Variants in EBPL observed in about 807,000 individuals in gnomAD.
EBPL encodes EBP like.
In EBPL, 20 loss-of-function variants were observed where a neutral mutation model predicts 19.0. The ratio of observed to expected loss-of-function variants is 1.05; its 90% confidence interval spans 0.74 to 1.53. The LOEUF (loss-of-function observed/expected upper bound fraction) is 1.53. Ranked by LOEUF, EBPL falls within the 40% of genes most tolerant of loss-of-function variation. EBPL has a pLI of 0.00. For missense variants in EBPL, 219 were observed against 261.1 expected (o/e 0.84, Z 1.11); for synonymous variants, 107 against 117.0 (o/e 0.91, Z 0.55).
chr13:49,673,324 T>C (rs1281891994), intron 1 of EBPL, among the ~76,000 whole-genome samples: 1 of 152,212 alleles, frequency 6.6e-6, no homozygotes, highest in Non-Finnish European at 1.5e-5. Context: ...TTATCATCTT[T>C]ATACAAAAAC....
At chr13:49,675,752 T>C (rs184226170) in intron 1 of EBPL, among the ~76,000 whole-genome samples, 2 of 152,332 alleles carry the variant, frequency 1.3e-5, no homozygotes, top group Admixed American at 1.3e-4. Flanking sequence ...ATGTTCAGCT[T>C]TCTGAGGAGT....
Position 49,691,395 on chromosome 13 carries a change from C to T in EBPL, c.30G>A (p.Glu10=), listed in dbSNP as rs1424629433. ...CGCACAGCAGCAGCGAACCGCCAGC[C>T]TCGGCCCCCAGCTCCCACTCAGCGC... MGAEWELGA[E]AGGSLLLCAA... The change falls in exon 1 of 4, where the codon GAG becomes GAA. Residue 10 remains glutamate (E), a synonymous_variant. Coordinates refer to ENST00000242827, the MANE Select transcript of EBPL (RefSeq NM_032565.5). 2.9e-6 allele frequency: 4 copies of T among 1,365,844 alleles called. No homozygotes were observed. The highest frequency in any genetic ancestry group is 2.8e-5 in the East Asian group (1 of 35,790). 84.6% of individuals were successfully genotyped at this position (1,365,844 alleles called of 1,614,324 possible).
At chr13:49,674,408 A>G (rs889123756) in intron 1 of EBPL, among the ~76,000 whole-genome samples, 1 of 152,156 alleles carries the variant, frequency 6.6e-6, no homozygotes, top group Non-Finnish European at 1.5e-5. Flanking sequence ...CTGGCTGAAA[A>G]TAATTTTTTA....
At chr13:49,685,870 A>G (rs1387956349) in intron 1 of EBPL, among the ~76,000 whole-genome samples, 1 of 152,070 alleles carries the variant, frequency 6.6e-6, no homozygotes, top group East Asian at 1.9e-4. Flanking sequence ...GAGAGAAAAA[A>G]AAAAAAAGGG....
At position 49,691,444 on chromosome 13, in the gene EBPL, A is replaced by G. The variant is rs1954065408; in HGVS notation, c.-20T>C. 5 of 1,331,750 alleles carry G rather than the reference A, an allele frequency of 3.8e-6. No individual in the cohort carries two copies. Among genetic ancestry groups the G allele is most frequent in the Admixed American group, 6.2e-5 (2 of 32,026 alleles). The allele number at this position is 1,331,750 out of a possible 1,614,324, so 82.5% of individuals were successfully genotyped here. On this transcript the variant is annotated 5_prime_UTR_variant, in exon 1 of 4. Coordinates refer to ENST00000242827, the MANE Select transcript of EBPL (RefSeq NM_032565.5). ...GCCCATGCTTCAGGCTTCCGACGCC[A>G]ACGGCCCAGGACCATGCGGCAGAGG...
Position 49,672,547 on chromosome 13 carries a change from G to A in EBPL, c.172-2701C>T, listed in dbSNP as rs574221356. On this transcript the variant is annotated intron_variant, in intron 1 of 3. Coordinates refer to ENST00000242827, the MANE Select transcript of EBPL (RefSeq NM_032565.5). ...ATGCTAATAAGCGTTTCCTAAAAGA[G>A]TAAGAAATAAAAGGGATAATAGAAA... Among the ~76,000 whole-genome samples the A allele has an allele frequency of 5.3e-5, 8 of 152,050 alleles. 1 individual carries two copies. The highest frequency in any genetic ancestry group is 1.2e-4 in the Non-Finnish European group (8 of 68,018).
intron 2 of EBPL, among the ~76,000 whole-genome samples, chr13:49,668,881 A>AT (rs371547557): frequency 0.26 from 37,613 of 142,150 alleles, 5,273 homozygotes; most frequent in Non-Finnish European, 0.33. Flanking sequence ...CACTACCAAC[A>AT]TTTTTTTTTT....
At chr13:49,674,902 C>T (rs947246111) in intron 1 of EBPL, among the ~76,000 whole-genome samples, 1 of 152,178 alleles carries the variant, frequency 6.6e-6, no homozygotes, top group Non-Finnish European at 1.5e-5. Flanking sequence ...GTGCAACCAT[C>T]GCCACCATCC....
intron 2 of EBPL, among the ~76,000 whole-genome samples, chr13:49,665,882 C>A (rs2137485192): frequency 6.6e-6 from 1 of 152,242 alleles, no homozygotes; most frequent in East Asian, 1.9e-4. Context: ...GGCACTGAAG[C>A]CAGACTACGA....
At chr13:49,691,153 C>T (rs546778159) in intron 1 of EBPL, 101 bp downstream of exon 1, 2 of 1,077,874 alleles carry the variant, frequency 1.9e-6, no homozygotes, top group Non-Finnish European at 2.3e-6. Context: ...GAGGGGCGGC[C>T]AGCTCGCTGC....
chr13:49,665,345 C>T (rs979464572), intron 2 of EBPL, among the ~76,000 whole-genome samples: 8 of 152,200 alleles, frequency 5.3e-5, no homozygotes, highest in African/African-American at 9.7e-5. Flanking sequence ...GATCTTGGCT[C>T]GCTGCAACCT....
intron 1 of EBPL, among the ~76,000 whole-genome samples, chr13:49,685,202 T>C (rs1953983951): frequency 6.6e-6 from 1 of 152,208 alleles, no homozygotes; most frequent in African/African-American, 2.4e-5. Flanking sequence ...TACATTATAG[T>C]GCTGAAATTA....
chr13:49,684,157 G>A (rs553277202), intron 1 of EBPL, among the ~76,000 whole-genome samples: 20 of 152,284 alleles, frequency 1.3e-4, no homozygotes, highest in African/African-American at 4.3e-4. Context: ...TACTAGAAGC[G>A]TGATGGAAAC....
intron 1 of EBPL, among the ~76,000 whole-genome samples, chr13:49,682,112 T>G (rs1953948829): frequency 6.6e-6 from 1 of 152,202 alleles, no homozygotes; most frequent in Non-Finnish European, 1.5e-5. Flanking sequence ...GCCCAGCTGC[T>G]GCCCGCTTAA....
At chr13:49,661,419 C>T (rs1965146820) in intron 3 of EBPL, among the ~76,000 whole-genome samples, 1 of 152,172 alleles carries the variant, frequency 6.6e-6, no homozygotes, top group Non-Finnish European at 1.5e-5. Context: ...AGCAACACTG[C>T]CCTTTCTAGA....
chr13:49,680,815 C>T (rs561456507), intron 1 of EBPL, among the ~76,000 whole-genome samples: 177 of 141,772 alleles, frequency 1.2e-3, no homozygotes, highest in Admixed American at 3.1e-3. Flanking sequence ...AGCGAGATTC[C>T]GTCTCAAAAA....
intron 1 of EBPL, among the ~76,000 whole-genome samples, chr13:49,672,528 A>G (rs1338395087): frequency 6.6e-6 from 1 of 152,250 alleles, no homozygotes; most frequent in Non-Finnish European, 1.5e-5. Context: ...GAACATGCTA[A>G]TAAGCGTTTC....
Position 49,663,163 on chromosome 13 carries a change from C to T in EBPL, c.274G>A (p.Val92Ile). ...KEYGKADARW[V>I]YFDPTIVSVE... ...GACACAATGGTTGGATCAAAATAAACCCATCTTGCATCAGCTTTGCCATAT... is the reference window on the plus strand; with the variant it reads ...GACACAATGGTTGGATCAAAATAAATCCATCTTGCATCAGCTTTGCCATAT... The change falls in exon 3 of 4, where the codon GTT (valine) becomes ATT (isoleucine). Residue 92 changes from valine (V) to isoleucine (I), a missense_variant. Physicochemically the swap from Val to Ile is conservative, Grantham distance 29 (BLOSUM62 3). Transcript: ENST00000242827. The T allele has an allele frequency of 1.9e-6, 3 of 1,614,172 alleles. No homozygotes were observed. Among genetic ancestry groups the T allele is most frequent in the African/African-American group, 1.3e-5 (1 of 75,054 alleles).
chr13:49,668,645 C>T (rs1953773790), intron 2 of EBPL: 1 of 396,024 alleles, frequency 2.5e-6, no homozygotes, highest in African/African-American at 2.2e-5. Flanking sequence ...AGCAGTTATC[C>T]TGAGAAAGGC....
Sources: allele counts gnomAD v4.1 joint callset (sites outside exome capture counted in the v4.1 genomes callset), GRCh38; gene constraint gnomAD v4.1.1; transcripts MANE v1.5; gene names NCBI Gene and HGNC (gene_info 2026-07-23, HGNC 2026-07-21).